MAF: variants seen among roughly 807,000 people sequenced by gnomAD.
MAF encodes the protein MAF bZIP transcription factor, also known as transcription factor Maf.
MAF carries 10 observed loss-of-function variants against 22.0 expected under a neutral mutation model. The ratio of observed to expected loss-of-function variants is 0.45; its 90% CI spans 0.28 to 0.77. The LOEUF (loss-of-function observed/expected upper bound fraction) is 0.77, where lower values mean the gene tolerates loss of function less well. Ranked by LOEUF, MAF falls within the 30% of genes least tolerant of loss-of-function variation. The probability of loss-of-function intolerance (pLI) is 0.12; values close to 1 mark genes in which losing one functional copy is unlikely to be tolerated. For missense variants in MAF, 544 were observed against 548.4 expected (o/e 0.99, Z 0.08); for synonymous variants, 337 against 255.8 (o/e 1.32, Z -3.03).
At chr16:79,486,614 T>C in the MAF span, among the ~76,000 whole-genome samples, 13 of 152,342 alleles carry the variant, frequency 8.5e-5, no homozygotes, top group East Asian at 2.5e-3. Context: ...CAACCCAAGT[T>C]ACGCAGCTAT....
At chr16:79,370,494 C>A in the MAF span, among the ~76,000 whole-genome samples, 1 of 152,162 alleles carries the variant, frequency 6.6e-6, no homozygotes, top group Non-Finnish European at 1.5e-5. Context: ...GTGACTCTTG[C>A]AAGAGCACAC....
chr16:79,440,309 G>A, the MAF span, among the ~76,000 whole-genome samples: 2 of 152,234 alleles, frequency 1.3e-5, no homozygotes, highest in Non-Finnish European at 2.9e-5. Flanking sequence ...CACCCCAGTG[G>A]AAGGGCTGTG....
chr16:79,499,891 G>T, the MAF span, among the ~76,000 whole-genome samples: 1 of 152,208 alleles, frequency 6.6e-6, no homozygotes, highest in East Asian at 1.9e-4. Context: ...TTGTGATTTA[G>T]TTACAGACCT....
the MAF span, among the ~76,000 whole-genome samples, chr16:79,257,062 G>T: frequency 6.6e-6 from 1 of 151,968 alleles, no homozygotes; most frequent in Non-Finnish European, 1.5e-5. Context: ...CTGTAGTCTT[G>T]GTTACTCGGG....
At chr16:79,366,824 G>A in the MAF span, among the ~76,000 whole-genome samples, 1 of 152,172 alleles carries the variant, frequency 6.6e-6, no homozygotes, top group African/African-American at 2.4e-5. Flanking sequence ...TGAGATTGGG[G>A]CATTGTTTGT....
At chr16:79,440,761 T>C in the MAF span, among the ~76,000 whole-genome samples, 1 of 152,256 alleles carries the variant, frequency 6.6e-6, no homozygotes, top group Admixed American at 6.5e-5. Flanking sequence ...AACTTCAGAA[T>C]GGCTTGCTGT....
chr16:79,415,437 G>C, the MAF span, among the ~76,000 whole-genome samples: 3 of 151,934 alleles, frequency 2.0e-5, no homozygotes, highest in African/African-American at 7.3e-5. Context: ...TTGTTGGGTG[G>C]TTCAGGACTC....
chr16:79,374,835 C>A, the MAF span, among the ~76,000 whole-genome samples: 1 of 152,210 alleles, frequency 6.6e-6, no homozygotes, highest in South Asian at 2.1e-4. Context: ...TCAGAAAACA[C>A]AGTCCGTAAC....
chr16:79,484,610 C>T, the MAF span, among the ~76,000 whole-genome samples: 4 of 152,178 alleles, frequency 2.6e-5, no homozygotes, highest in African/African-American at 9.7e-5. Context: ...AGGCCCAGGG[C>T]ATATTCCAGA....
At chr16:79,357,518 C>G in the MAF span, among the ~76,000 whole-genome samples, 7 of 152,162 alleles carry the variant, frequency 4.6e-5, no homozygotes, top group African/African-American at 1.7e-4. Flanking sequence ...CCTCTAGATC[C>G]TGACAGATAT....
chr16:79,424,945 T>C, the MAF span, among the ~76,000 whole-genome samples: 4 of 152,194 alleles, frequency 2.6e-5, no homozygotes, highest in South Asian at 6.2e-4. Flanking sequence ...TTATTCATCA[T>C]ATGCCACCAC....
chr16:79,470,171 T>C, the MAF span, among the ~76,000 whole-genome samples: 7 of 152,320 alleles, frequency 4.6e-5, no homozygotes, highest in South Asian at 2.1e-4. Context: ...AATGTCCCAA[T>C]AGATCACATG....
At chr16:79,261,271 G>C in the MAF span, among the ~76,000 whole-genome samples, 7 of 152,170 alleles carry the variant, frequency 4.6e-5, no homozygotes, top group African/African-American at 1.4e-4. Context: ...TCCCGCTTCA[G>C]CCTCCTGAGT....
At chr16:79,273,464 G>T in the MAF span, among the ~76,000 whole-genome samples, 2 of 152,214 alleles carry the variant, frequency 1.3e-5, no homozygotes, top group African/African-American at 4.8e-5. Context: ...ATAAATTTAT[G>T]TTTCAGTTCT....
chr16:79,556,011 G>T, the MAF span, among the ~76,000 whole-genome samples: 1 of 151,760 alleles, frequency 6.6e-6, no homozygotes, highest in African/African-American at 2.4e-5. Context: ...AGTTTGTTTT[G>T]TTAGTTTAGT....
At chr16:79,360,038 G>A in the MAF span, among the ~76,000 whole-genome samples, 3 of 152,118 alleles carry the variant, frequency 2.0e-5, no homozygotes, top group African/African-American at 7.2e-5. Context: ...GGAAGAGGGT[G>A]GGGTGGCTTT....
the MAF span, among the ~76,000 whole-genome samples, chr16:79,274,595 C>T: frequency 6.6e-6 from 1 of 152,080 alleles, no homozygotes; most frequent in Admixed American, 6.6e-5. Flanking sequence ...ACTGTATAGC[C>T]CGGCAGTTAG....
chr16:79,452,196 G>C, the MAF span, among the ~76,000 whole-genome samples: 1 of 152,146 alleles, frequency 6.6e-6, no homozygotes. Context: ...AGAAATTGCT[G>C]ACCCCTGACA....
chr16:79,275,572 T>A, the MAF span, among the ~76,000 whole-genome samples: 2 of 152,224 alleles, frequency 1.3e-5, no homozygotes, highest in Non-Finnish European at 2.9e-5. Context: ...AGAGGCTAAG[T>A]CAGAGTGTAG....
Sources: gnomAD v4.1 joint callset for allele counts (sites outside exome capture counted in the v4.1 genomes callset) on GRCh38, gnomAD v4.1.1 for gene constraint, MANE v1.5 for transcripts, NCBI Gene and HGNC (gene_info 2026-07-23, HGNC 2026-07-21) for gene names.